PAN3: variants seen among roughly 807,000 people sequenced by gnomAD.
The protein encoded by PAN3 is PAN2-PAN3 deadenylation complex subunit PAN3.
In PAN3, 19 loss-of-function variants were observed where a neutral mutation model predicts 96.2. The observed-to-expected ratio is 0.20, with a 90% CI of 0.14 to 0.29. The LOEUF (loss-of-function observed/expected upper bound fraction) is 0.29, where lower values mean the gene tolerates loss of function less well. Among genes scored for constraint, PAN3 ranks in the 10% least tolerant of loss-of-function variants. The pLI, the probability that PAN3 is intolerant of heterozygous loss-of-function variation, is 1.00. For missense variants in PAN3, 882 were observed against 1,108.1 expected, an observed-to-expected ratio of 0.80 and a Z score of 2.90; for synonymous variants, 433 against 406.6, an observed-to-expected ratio of 1.06 and a Z score of -0.78.
chr13:28,162,518 C>A (rs58171863), intron 1 of PAN3, among the ~76,000 whole-genome samples: 1 of 152,004 alleles, frequency 6.6e-6, no homozygotes. Context: ...AACCCCACCT[C>A]TACTAAAAAT....
chr13:28,252,904 TTGAG>T (rs1392951422), intron 6 of PAN3, among the ~76,000 whole-genome samples: 4 of 152,176 alleles, frequency 2.6e-5, no homozygotes, highest in Non-Finnish European at 5.9e-5. Context: ...GCTCTGTTGA[TTGAG>T]TGTCAGTTAA....
rs185991494 is a variant in PAN3, at chr13:28,291,729, G to T, written c.2524-653G>T. Among the ~76,000 whole-genome samples, 11 of 152,266 alleles carry T rather than the reference G, an allele frequency of 7.2e-5. No individual in the cohort carries two copies. In the East Asian group the frequency reaches 2.1e-3, roughly 29 times the overall value. On this transcript the variant is annotated intron_variant, in intron 18 of 18. Transcript: ENST00000380958. The stretch of plus-strand genomic sequence containing the variant: ...GCCTATAATCCCAGCTACTCGGGAG[G>T]TTGAGGCAGGAGAATTGCTTGAACC...
intron 1 of PAN3, among the ~76,000 whole-genome samples, chr13:28,141,694 T>C (rs1162389785): frequency 6.6e-6 from 1 of 152,132 alleles, no homozygotes; most frequent in Non-Finnish European, 1.5e-5. Flanking sequence ...CTCAAACTCC[T>C]GATCTCAGGT....
chr13:28,182,508 A>G (rs537440926), intron 4 of PAN3, among the ~76,000 whole-genome samples: 1 of 152,330 alleles, frequency 6.6e-6, no homozygotes, highest in African/African-American at 2.4e-5. Flanking sequence ...ATACGGAGAT[A>G]ACAGATTTTC....
intron 6 of PAN3, among the ~76,000 whole-genome samples, chr13:28,235,225 T>C (rs1200308273): frequency 6.6e-6 from 1 of 152,204 alleles, no homozygotes. Context: ...AGGTCCCTGC[T>C]AAAGTGTCAC....
intron 7 of PAN3, among the ~76,000 whole-genome samples, chr13:28,259,733 G>A (rs958130765): frequency 1.3e-5 from 2 of 151,866 alleles, no homozygotes; most frequent in Non-Finnish European, 1.5e-5. Context: ...CTGCCTCCCT[G>A]GTTCAAGTGA....
chr13:28,234,221 G>A (rs939325471), intron 6 of PAN3, among the ~76,000 whole-genome samples: 4 of 152,102 alleles, frequency 2.6e-5, no homozygotes, highest in Non-Finnish European at 5.9e-5. Context: ...TTAAGAGGCA[G>A]GGTCTTGCTC....
chr13:28,196,027 T>G (rs942100749), intron 4 of PAN3, among the ~76,000 whole-genome samples: 37 of 132,758 alleles, frequency 2.8e-4, no homozygotes, highest in Admixed American at 8.8e-4. Context: ...TTTTTTTTTG[T>G]TTTTTTTTTT....
In PAN3 at chr13:28,215,014, A is replaced by G; in HGVS notation, c.853-5217A>G. ...GAGCCAACTTACAGCCAGAAGAGAT[A>G]TGAGGAAATCATTAAGGAAGTCAGC... On this transcript the variant is annotated intron_variant, in intron 5 of 18. Transcript: ENST00000380958. 5 of 1,238,838 alleles carry G rather than the reference A, an allele frequency of 4.0e-6. No individual in the cohort carries two copies. The South Asian group carries it at 6.0e-5, about 15-fold the overall frequency. 76.7% of individuals were successfully genotyped at this position (1,238,838 alleles called of 1,614,324 possible). A position where few individuals can be genotyped will look rare whatever the true frequency, so the allele number is the denominator to read the frequency against.
chr13:28,224,958 T>C (rs536184093), intron 6 of PAN3, among the ~76,000 whole-genome samples: 3 of 152,304 alleles, frequency 2.0e-5, no homozygotes, highest in Non-Finnish European at 2.9e-5. Context: ...ATATGATTGA[T>C]ATGGGGAGAA....
intron 1 of PAN3, among the ~76,000 whole-genome samples, chr13:28,156,568 C>A (rs1872191149): frequency 1.3e-5 from 2 of 152,158 alleles, no homozygotes; most frequent in East Asian, 1.9e-4. Flanking sequence ...CAATGACCAG[C>A]ATCATCCTGA....
chr13:28,265,137 A>G (rs1886052087), intron 9 of PAN3, among the ~76,000 whole-genome samples: 1 of 152,272 alleles, frequency 6.6e-6, no homozygotes, highest in Non-Finnish European at 1.5e-5. Flanking sequence ...CCTTATGGAC[A>G]TTATACCAAT....
At chr13:28,159,537 C>T (rs1872649488) in intron 1 of PAN3, among the ~76,000 whole-genome samples, 2 of 152,206 alleles carry the variant, frequency 1.3e-5, no homozygotes, top group African/African-American at 2.4e-5. Context: ...CAACCTCCGC[C>T]TCCCTGGTTC....
chr13:28,160,147 G>A (rs1212819443), intron 1 of PAN3, among the ~76,000 whole-genome samples: 1 of 152,036 alleles, frequency 6.6e-6, no homozygotes, highest in African/African-American at 2.4e-5. Flanking sequence ...TCACTATGTT[G>A]GCCAGGCTGG....
Position 28,267,305 on chromosome 13 carries a change from G to A in PAN3, c.1696G>A (p.Val566Met), listed in dbSNP as rs752072119. ...TTKAFAEPSL[V>M]FAYDFHAGGE... Reference sequence around the variant, plus strand: ...TGTTTGTGTTTTATTTTAAGCTCTTGTGTTTGCATATGATTTCCATGCTGG... The same window carrying A: ...TGTTTGTGTTTTATTTTAAGCTCTTATGTTTGCATATGATTTCCATGCTGG... The change falls in exon 12 of 19, where the codon GTG (valine) becomes ATG (methionine). Residue 566 changes from valine (V) to methionine (M), a missense_variant. Physicochemically the swap from Val to Met is conservative, Grantham distance 21. This residue lies in a region of PAN3 where 364 missense variants were observed against 513.6 expected (regional missense o/e 0.71). Transcript: ENST00000380958. 52 of 1,613,590 alleles carry A rather than the reference G, an allele frequency of 3.2e-5. No individual in the cohort carries two copies. The highest frequency in any genetic ancestry group is 4.3e-5 in the Non-Finnish European group (51 of 1,179,772).
At chr13:28,198,940 A>G (rs1157213542) in intron 5 of PAN3, among the ~76,000 whole-genome samples, 1 of 152,228 alleles carries the variant, frequency 6.6e-6, no homozygotes, top group Non-Finnish European at 1.5e-5. Flanking sequence ...ATATTGCAAA[A>G]TGTAGTATTT....
At chr13:28,221,006 T>G (rs1458695131) in intron 6 of PAN3, among the ~76,000 whole-genome samples, 1 of 152,180 alleles carries the variant, frequency 6.6e-6, no homozygotes, top group African/African-American at 2.4e-5. Flanking sequence ...CAAATGTGCT[T>G]GTACTCCAGG....
At chr13:28,148,224 G>A (rs1870927138) in intron 1 of PAN3, among the ~76,000 whole-genome samples, 1 of 151,880 alleles carries the variant, frequency 6.6e-6, no homozygotes, top group South Asian at 2.1e-4. Context: ...CGAGAATGTT[G>A]GAATTAAAGA....
intron 1 of PAN3, among the ~76,000 whole-genome samples, chr13:28,146,298 CTG>C (rs1371517961): frequency 3.6e-5 from 5 of 137,750 alleles, no homozygotes; most frequent in African/African-American, 1.5e-4. Context: ...TCCTCTTTCT[CTG>C]TCTCTCTCTC....
Sources: allele counts gnomAD v4.1 joint callset (sites outside exome capture counted in the v4.1 genomes callset), GRCh38; gene constraint gnomAD v4.1.1; regional missense constraint gnomAD v4.1.1; transcripts MANE v1.5; gene names NCBI Gene and HGNC (gene_info 2026-07-23, HGNC 2026-07-21).